The following HSF4 variants were observed in gnomAD, a reference collection of about 807,000 sequenced individuals.
The protein encoded by HSF4 is heat shock factor protein 4.
HSF4 carries 41 observed loss-of-function variants against 52.0 expected under a neutral mutation model. The observed-to-expected ratio is 0.79, with a 90% CI of 0.61 to 1.02. The LOEUF (loss-of-function observed/expected upper bound fraction) is 1.02. Ranked by LOEUF, HSF4 falls within the 50% of genes least tolerant of loss-of-function variation. The pLI, the probability that HSF4 is intolerant of heterozygous loss-of-function variation, is 0.00. For missense variants in HSF4, 610 were observed against 651.1 expected (o/e 0.94, Z 0.69); for synonymous variants, 285 against 273.0 (o/e 1.04, Z -0.43).
In HSF4 at chr16:67,166,613, A is replaced by G. The variant is rs1259406990; in HGVS notation, c.617A>G (p.Lys206Arg). The part of the protein sequence containing the change: ...LQAGPSNAGG[K>R]RKLSLMLDEG... ...GCGGGGCCGAGCAATGCAGGAGGCA[A>G]GAGAAAGCTGTGAGTGAGAAAGCCA... Residue 206 changes from lysine (K) to arginine (R), a missense_variant, in exon 6 of 13, where the codon AAG (lysine) becomes AGG (arginine). By Grantham distance (26) the Lys-to-Arg change is conservative. Coordinates refer to ENST00000521374, the MANE Select transcript of HSF4 (RefSeq NM_001374675.1). The G allele has an allele frequency of 5.6e-6, 9 of 1,613,710 alleles. No homozygotes were observed. In the Admixed American group the frequency reaches 1.2e-4, roughly 21 times the overall value.
Position 67,166,089 on chromosome 16 carries a change from A to T in HSF4, c.485+19A>T. ...TCAGGCAGTGCGGGGGCGGGCGGGGAAAGAGGGGACAGGGGTGGGGGGTTC... is the reference window on the plus strand; with the variant it reads ...TCAGGCAGTGCGGGGGCGGGCGGGGTAAGAGGGGACAGGGGTGGGGGGTTC... On this transcript the variant is annotated intron_variant, in intron 4 of 12. Coordinates refer to ENST00000521374, the MANE Select transcript of HSF4 (RefSeq NM_001374675.1). The T allele has an allele frequency of 6.6e-7, 1 of 1,511,234 alleles. No individual in the cohort carries two copies. The highest frequency in any genetic ancestry group is 8.9e-7 in the Non-Finnish European group (1 of 1,127,276). 93.6% of individuals were successfully genotyped at this position (1,511,234 alleles called of 1,614,324 possible).
intron 9 of HSF4, among the ~76,000 whole-genome samples, chr16:67,168,622 A>G (rs1471305570): frequency 1.3e-5 from 2 of 152,214 alleles, no homozygotes; most frequent in Admixed American, 1.3e-4. Context: ...CAGCTCCACC[A>G]CCCAAACTTC....
intron 4 of HSF4, 45 bp downstream of exon 4, chr16:67,166,115 G>A: frequency 2.0e-6 from 3 of 1,504,828 alleles, no homozygotes; most frequent in Non-Finnish European, 2.7e-6. Flanking sequence ...TGGGGGGTTC[G>A]GGATGAGACC....
intron 4 of HSF4, 121 bp from the exon 5 acceptor site, chr16:67,166,199 G>C: frequency 7.3e-7 from 1 of 1,371,058 alleles, no homozygotes. Context: ...AGACTTATGG[G>C]CGATCTCTGG....
intron 7 of HSF4, 125 bp from the exon 8 acceptor site, chr16:67,167,350 C>T: frequency 6.2e-7 from 1 of 1,610,100 alleles, no homozygotes; most frequent in Non-Finnish European, 8.5e-7. Flanking sequence ...CCCAGGCCCT[C>T]CAGCATGGAC....
chr16:67,165,518 G>C lies in HSF4; in HGVS notation c.124-4G>C. The stretch of plus-strand genomic sequence containing the variant: ...GCACGGTGGGCGGGCGGCGTTCTTG[G>C]TAGAGCGGGACCAGTTTCCTCGTAA... On this transcript the variant is annotated splice_region_variant and splice_polypyrimidine_tract_variant and intron_variant, in intron 1 of 12. Transcript: ENST00000521374. The surrounding 1 kb of genome is among the most constrained non-coding windows in gnomAD (Gnocchi z 6.9). The C allele has an allele frequency of 6.2e-7, 1 of 1,612,938 alleles. No individual in the cohort carries two copies. The highest frequency in any genetic ancestry group is 8.5e-7 in the Non-Finnish European group (1 of 1,179,828).
rs1173482049 is a variant in HSF4 at position 67,169,643 on chromosome 16, C to T, written c.1337C>T (p.Thr446Met). The change falls in exon 13 of 13, where the codon ACG (threonine) becomes ATG (methionine). Residue 446 changes from threonine (T) to methionine (M), a missense_variant. By Grantham distance (81) the Thr-to-Met change is moderately conservative. Coordinates refer to ENST00000521374, the MANE Select transcript of HSF4 (RefSeq NM_001374675.1). The surrounding 1 kb of genome is among the most constrained non-coding windows in gnomAD (Gnocchi z 4.3). Reference protein sequence around the residue: ...LNSPSPGKDPTLGAPLLLDVQ... With the variant: ...LNSPSPGKDPMLGAPLLLDVQ... ...CCACTTCTCCTAGGGAAGGACCCCA[C>T]GCTCGGGGCCCCACTCCTGCTGGAT... 1.9e-6 allele frequency: 3 copies of T among 1,608,882 alleles called. No individual in the cohort carries two copies. Among genetic ancestry groups the T allele is most frequent in the Non-Finnish European group, 1.7e-6 (2 of 1,179,952 alleles).
chr16:67,165,689 C>T lies in HSF4; in HGVS notation c.233-30C>T, dbSNP rs1368875582. 6.2e-7 allele frequency: 1 copy of T among 1,611,790 alleles called. No homozygotes were observed. Among genetic ancestry groups the T allele is most frequent in the African/African-American group, 1.3e-5 (1 of 75,022 alleles). On this transcript the variant is annotated intron_variant, in intron 2 of 12. Coordinates refer to ENST00000521374, the MANE Select transcript of HSF4 (RefSeq NM_001374675.1). This position sits in a 1 kb window ranked among gnomAD's most constrained non-coding sequence, Gnocchi z 6.9. ...GGGGGACTCGGTGCCGGGGATGGGG[C>T]GACCCACGCCCCCACGCCCCACTCC...
chr16:67,169,122 G>C lies in HSF4; in HGVS notation c.1254+21G>C. 1 of 1,611,042 alleles carries C rather than the reference G, an allele frequency of 6.2e-7. No individual in the cohort carries two copies. The highest frequency in any genetic ancestry group is 8.5e-7 in the Non-Finnish European group (1 of 1,179,670). On this transcript the variant is annotated intron_variant, in intron 11 of 12. Coordinates refer to ENST00000521374, the MANE Select transcript of HSF4 (RefSeq NM_001374675.1). This position sits in a 1 kb window ranked among gnomAD's most constrained non-coding sequence, Gnocchi z 4.3. Reference sequence around the variant, plus strand: ...CCTTGGTAAGAAGTGGGTCGGGGAGGGCAGAGGCCAGGGGTGGCTGAGTCA... The same window carrying C: ...CCTTGGTAAGAAGTGGGTCGGGGAGCGCAGAGGCCAGGGGTGGCTGAGTCA...
chr16:67,166,431 C>G, intron 5 of HSF4, 36 bp downstream of exon 5: 1 of 1,593,956 alleles, frequency 6.3e-7, no homozygotes, highest in African/African-American at 1.3e-5. Flanking sequence ...CTCCCTCCCA[C>G]TCCTCGACAC....
In HSF4 at chr16:67,169,733, C is replaced by T. The variant is rs1205641119; in HGVS notation, c.1427C>T (p.Pro476Leu). 6.2e-7 allele frequency: 1 copy of T among 1,613,016 alleles called. No individual in the cohort carries two copies. Among genetic ancestry groups the T allele is most frequent in the African/African-American group, 1.3e-5 (1 of 74,914 alleles). The change falls in exon 13 of 13, where the codon CCT (proline) becomes CTT (leucine). Residue 476 changes from proline to leucine, a missense_variant. Coordinates refer to ENST00000521374, the MANE Select transcript of HSF4 (RefSeq NM_001374675.1). The surrounding 1 kb of genome is among the most constrained non-coding windows in gnomAD (Gnocchi z 4.3). ...GGGGCTTTAACCATTTATAGCACTC[C>T]TGAGAGCCGGACTGCCTCCTACTTG... ...LPGALTIYST[P>L]ESRTASYLGP...
chr16:67,167,751 C>T lies in HSF4; in HGVS notation c.886C>T (p.Pro296Ser), dbSNP rs774117380. 1.2e-6 allele frequency: 2 copies of T among 1,606,198 alleles called. No homozygotes were observed. Among genetic ancestry groups the T allele is most frequent in the South Asian group, 1.1e-5 (1 of 90,438 alleles). ...EKGLALLKEEPASPGGDGEAG... is the reference protein window; with the variant it reads ...EKGLALLKEESASPGGDGEAG... Reference sequence around the variant, plus strand: ...GGGCCTGGCACTGCTCAAAGAAGAGCCGGCCAGTCCAGGGGGGGATGGCGA... The same window carrying T: ...GGGCCTGGCACTGCTCAAAGAAGAGTCGGCCAGTCCAGGGGGGGATGGCGA... Residue 296 changes from proline to serine, a missense_variant, in exon 9 of 13, where the codon CCG becomes TCG. Pro to Ser is a moderately conservative substitution (Grantham distance 74). Transcript: ENST00000521374.
At position 67,167,957 on chromosome 16, in the gene HSF4, G is replaced by C; in HGVS notation, c.1082+10G>C. 6.4e-7 allele frequency: 1 copy of C among 1,567,342 alleles called. No individual in the cohort carries two copies. Among genetic ancestry groups the C allele is most frequent in the African/African-American group, 1.3e-5 (1 of 74,418 alleles). On this transcript the variant is annotated intron_variant, in intron 9 of 12. Transcript: ENST00000521374. ...GGGAGATACCTGACAGGTGAGCAGA[G>C]CCCCAGCTGGCCCATGAGCCCTGTG...
Position 67,165,964 on chromosome 16 carries a change from G to T in HSF4, c.379G>T (p.Asp127Tyr), listed in dbSNP as rs1168934998. 6.4e-7 allele frequency: 1 copy of T among 1,563,836 alleles called. No individual in the cohort carries two copies. Among genetic ancestry groups the T allele is most frequent in the South Asian group, 1.1e-5 (1 of 87,234 alleles). Residue 127 changes from aspartate to tyrosine, a missense_variant, in exon 4 of 13, where the codon GAC becomes TAC. Asp to Tyr is a radical substitution (Grantham distance 160, BLOSUM62 -3). Coordinates refer to ENST00000521374, the MANE Select transcript of HSF4 (RefSeq NM_001374675.1). This position sits in a 1 kb window ranked among gnomAD's most constrained non-coding sequence, Gnocchi z 6.9. ...VRRKVPALRGDDGRWRPEDLG... is the reference protein window; with the variant it reads ...VRRKVPALRGYDGRWRPEDLG... ...CCTGCAGGTGCCCGCGCTGCGCGGC[G>T]ACGACGGCCGCTGGCGCCCGGAGGA...
upstream of HSF4, chr16:67,164,346 G>A (rs544870042): frequency 2.3e-5 from 9 of 393,774 alleles, no homozygotes; most frequent in South Asian, 1.1e-4. Flanking sequence ...ACTACGTCCC[G>A]GGGTTCGGCG....
intron 9 of HSF4, 68 bp downstream of exon 9, chr16:67,168,015 C>T (rs2031433324): frequency 1.5e-6 from 2 of 1,298,820 alleles, no homozygotes; most frequent in Admixed American, 3.9e-5. Flanking sequence ...ACAAAGCTTC[C>T]TAGCCATTTG....
At position 67,165,820 on chromosome 16, in the gene HSF4, C is replaced by T. The variant is rs764780314; in HGVS notation, c.334C>T (p.Gln112Ter). 2.0e-5 allele frequency: 32 copies of T among 1,607,158 alleles called. No homozygotes were observed. Among genetic ancestry groups the T allele is most frequent in the Non-Finnish European group, 2.0e-5 (24 of 1,179,516 alleles). ...QHPSFVRGRE[Q>*]LLERVRRKVP... ...CCCGAGCTTCGTGCGCGGCCGCGAG[C>T]AGCTACTGGAGCGCGTGCGGCGCAA... Residue 112 changes from glutamine (Q) to a stop codon, truncating the protein, a stop_gained, in exon 3 of 13, where the codon CAG (glutamine) becomes TAG (stop). Transcript: ENST00000521374. LOFTEE classifies it high-confidence loss of function. This position sits in a 1 kb window ranked among gnomAD's most constrained non-coding sequence, Gnocchi z 6.9.
intron 7 of HSF4, 50 bp from the exon 8 acceptor site, chr16:67,167,425 C>T (rs781456689): frequency 6.2e-7 from 1 of 1,613,538 alleles, no homozygotes; most frequent in Admixed American, 1.7e-5. Flanking sequence ...GGGGTTCTGG[C>T]TCTCCCTGTG....
rs1320031001 is a variant in HSF4 at position 67,167,033 on chromosome 16, G to A, written c.627-87G>A. 3 of 1,588,582 alleles carry A rather than the reference G, an allele frequency of 1.9e-6. No individual in the cohort carries two copies. In the African/African-American group the frequency reaches 4.0e-5, roughly 21 times the overall value. ...TCAGCTCTGCTGACTTGGCTGCTGG[G>A]GCCTGAGGGAGGGAGGGAAGTGCAG... On this transcript the variant is annotated intron_variant, in intron 6 of 12. Coordinates refer to ENST00000521374, the MANE Select transcript of HSF4 (RefSeq NM_001374675.1).
Sources: gnomAD v4.1 joint callset for allele counts (sites outside exome capture counted in the v4.1 genomes callset) on GRCh38, gnomAD v4.1.1 for gene constraint, Gnocchi (gnomAD v3.1) non-coding constraint, MANE v1.5 for transcripts, NCBI Gene and HGNC (gene_info 2026-07-23, HGNC 2026-07-21) for gene names.